Variants in UNC45B observed in about 807,000 individuals in gnomAD.
The protein encoded by UNC45B is unc-45 myosin chaperone B.
UNC45B carries 78 observed loss-of-function variants against 98.7 expected under a neutral mutation model. The ratio of observed to expected loss-of-function variants is 0.79; its 90% CI spans 0.66 to 0.95. The LOEUF is 0.95. UNC45B is among the 40% of genes least tolerant of loss of function. The pLI, the probability that UNC45B is intolerant of heterozygous loss-of-function variation, is 0.00. For missense variants in UNC45B, 1,225 were observed against 1,184.9 expected, an observed-to-expected ratio of 1.03 and a Z score of -0.50; for synonymous variants, 462 against 480.4, an observed-to-expected ratio of 0.96 and a Z score of 0.50.
chr17:35,172,319 G>A (rs1176679462), intron 13 of UNC45B, among the ~76,000 whole-genome samples: 3 of 151,162 alleles, frequency 2.0e-5, no homozygotes, highest in African/African-American at 4.9e-5. Flanking sequence ...GTGAGATCTC[G>A]GCTCAATGCA....
chr17:35,156,489 G>A (rs961229747), intron 7 of UNC45B, among the ~76,000 whole-genome samples: 1 of 152,150 alleles, frequency 6.6e-6, no homozygotes, highest in African/African-American at 2.4e-5. Flanking sequence ...AGCCGGGCAT[G>A]GTGGCGCATG....
At position 35,150,242 on chromosome 17, in the gene UNC45B, C is replaced by T. The variant is rs556855069; in HGVS notation, c.381+19C>T. ...GGAGAAGGTGAGCTGGGCCTCTTCC[C>T]ACAACCCTTGGCTGCCCAGCCCCTC... On this transcript the variant is annotated intron_variant, in intron 4 of 19. Coordinates refer to ENST00000394570, the MANE Select transcript of UNC45B (RefSeq NM_001267052.2). 18 of 1,596,730 alleles carry T rather than the reference C, an allele frequency of 1.1e-5. No homozygotes were observed. The highest frequency in any genetic ancestry group is 1.4e-5 in the Non-Finnish European group (16 of 1,171,592).
At chr17:35,176,952 C>T in intron 15 of UNC45B, 65 bp from the exon 16 acceptor site, 1 of 1,296,704 alleles carries the variant, frequency 7.7e-7, no homozygotes, top group South Asian at 1.3e-5. Context: ...GCACCTGGAG[C>T]AGGAGGATAG....
chr17:35,150,284 G>T, intron 4 of UNC45B, 61 bp downstream of exon 4: 1 of 1,551,866 alleles, frequency 6.4e-7, no homozygotes, highest in Non-Finnish European at 8.7e-7. Flanking sequence ...TTCCTAGTAG[G>T]AATGGGTTAG....
At chr17:35,185,805 C>T (rs2092300147) in intron 19 of UNC45B, among the ~76,000 whole-genome samples, 1 of 152,042 alleles carries the variant, frequency 6.6e-6, no homozygotes, top group Non-Finnish European at 1.5e-5. Context: ...TGGTTGGTAG[C>T]GTGACCATAA....
At chr17:35,176,933 A>C (rs778686191) in intron 15 of UNC45B, 84 bp from the exon 16 acceptor site, 174 of 1,074,356 alleles carry the variant, frequency 1.6e-4, no homozygotes, top group Non-Finnish European at 2.3e-4. Context: ...CCCATGGGAC[A>C]GACAGACAGC....
intron 8 of UNC45B, among the ~76,000 whole-genome samples, chr17:35,159,997 G>A (rs954700848): frequency 3.3e-5 from 5 of 152,184 alleles, no homozygotes; most frequent in Admixed American, 2.6e-4. Flanking sequence ...CCAAGATTAC[G>A]GACATGCCCC....
At chr17:35,177,218 T>C (rs1355664531) in intron 16 of UNC45B, 88 bp downstream of exon 16, 4 of 1,236,716 alleles carry the variant, frequency 3.2e-6, no homozygotes, top group Non-Finnish European at 4.6e-6. Context: ...ACCTCGAGCC[T>C]GGGACAGGGG....
intron 15 of UNC45B, among the ~76,000 whole-genome samples, chr17:35,176,395 T>C (rs1490853206): frequency 1.3e-5 from 2 of 152,102 alleles, no homozygotes; most frequent in Admixed American, 1.3e-4. Context: ...AGGGGGAAAA[T>C]CACACTTTCA....
chr17:35,179,908 A>G (rs993779651), intron 17 of UNC45B, among the ~76,000 whole-genome samples: 1 of 152,220 alleles, frequency 6.6e-6, no homozygotes, highest in African/African-American at 2.4e-5. Context: ...GTATTAAAAA[A>G]AAAAAGATAT....
At chr17:35,174,204 C>G in intron 13 of UNC45B, 38 bp from the exon 14 acceptor site, 6 of 1,613,660 alleles carry the variant, frequency 3.7e-6, no homozygotes, top group Non-Finnish European at 5.1e-6. Context: ...GCCTGGCACC[C>G]AGGACCCTCC....
At position 35,186,725 on chromosome 17, in the gene UNC45B, G is replaced by A; in HGVS notation, c.*166G>A. 1.4e-6 allele frequency: 1 copy of A among 731,830 alleles called. No homozygotes were observed. Among genetic ancestry groups the A allele is most frequent in the South Asian group, 2.2e-5 (1 of 45,036 alleles). 45.3% of individuals were successfully genotyped at this position (731,830 alleles called of 1,614,324 possible). On this transcript the variant is annotated 3_prime_UTR_variant, in exon 20 of 20. Coordinates refer to ENST00000394570, the MANE Select transcript of UNC45B (RefSeq NM_001267052.2). ...CTCTGAGTTGTGAGTCTTCTCCTTT[G>A]TCCTGACAGAGTTTGGATGTTTCAC...
intron 18 of UNC45B, 60 bp from the exon 19 acceptor site, chr17:35,183,367 C>T: frequency 7.0e-7 from 1 of 1,437,774 alleles, no homozygotes; most frequent in Non-Finnish European, 9.2e-7. Context: ...GTATCTTTCC[C>T]TCTTCAGGCT....
chr17:35,175,084 A>AAAGAAAGT (rs1491209151), intron 14 of UNC45B, among the ~76,000 whole-genome samples: 1 of 88,768 alleles, frequency 1.1e-5, no homozygotes, highest in African/African-American at 4.7e-5. Context: ...AGAAAGAAAG[A>AAAGAAAGT]AAGAGAAAGA....
intron 14 of UNC45B, among the ~76,000 whole-genome samples, chr17:35,175,486 C>T (rs916236637): frequency 1.3e-5 from 2 of 152,100 alleles, no homozygotes; most frequent in African/African-American, 4.8e-5. Context: ...AGCAAAGGAG[C>T]CACCTAAATG....
intron 12 of UNC45B, among the ~76,000 whole-genome samples, chr17:35,170,697 G>A (rs562083569): frequency 3.3e-5 from 5 of 152,134 alleles, no homozygotes; most frequent in Admixed American, 6.5e-5. Flanking sequence ...TTAGCTGGGC[G>A]TGGTGGCACA....
In UNC45B at chr17:35,180,705, G is replaced by A. The variant is rs116910034; in HGVS notation, c.2373+29G>A. ...AGGCAGGGGCTCAGGATGGAGACCC[G>A]GGCGTGATCAAGGCACGAGAGGCAG... On this transcript the variant is annotated intron_variant, in intron 18 of 19. Transcript: ENST00000394570. The A allele has an allele frequency of 0.02, 31,765 of 1,579,958 alleles. 386 individuals are homozygous for A. The highest frequency in any genetic ancestry group is 0.023 in the Non-Finnish European group (26,412 of 1,151,588).
At position 35,158,872 on chromosome 17, in the gene UNC45B, G is replaced by A. The variant is rs542496291; in HGVS notation, c.809-503G>A. On this transcript the variant is annotated intron_variant, in intron 7 of 19. Transcript: ENST00000394570. ...ACAAAAATCTCTAAGTATCTTGGAG[G>A]GCAAAATCAGAAAAAAAGGCATTTG... Among the ~76,000 whole-genome samples the A allele has an allele frequency of 1.1e-4, 16 of 152,198 alleles. 1 individual carries two copies. The highest frequency in any genetic ancestry group is 3.4e-3 in the Middle Eastern group (1 of 294).
rs554848659 is a variant in UNC45B, at chr17:35,154,726, C to T, written c.624C>T (p.Ser208=). 281 of 1,592,560 alleles carry T rather than the reference C, an allele frequency of 1.8e-4. 2 individuals carry two copies. The South Asian group carries it at 2.9e-3, about 16-fold the overall frequency. The part of the protein sequence containing the change: ...AAVRTLSGMC[S]GHQARATVIL... The stretch of plus-strand genomic sequence containing the variant: ...TGCGGACCCTGTCGGGCATGTGCAG[C>T]GGCCACCAAGCCAGAGTAAGTGCCC... The change falls in exon 6 of 20, where the codon AGC becomes AGT. Residue 208 remains serine, a synonymous_variant. Coordinates refer to ENST00000394570, the MANE Select transcript of UNC45B (RefSeq NM_001267052.2).
Sources: gnomAD v4.1 joint callset for allele counts (sites outside exome capture counted in the v4.1 genomes callset) on GRCh38, gnomAD v4.1.1 for gene constraint, MANE v1.5 for transcripts, NCBI Gene and HGNC (gene_info 2026-07-23, HGNC 2026-07-21) for gene names.